The following PPP2R3C variants were observed in gnomAD, a reference collection of about 807,000 sequenced individuals.
PPP2R3C encodes the protein protein phosphatase 2 regulatory subunit B''gamma, also known as serine/threonine-protein phosphatase 2A regulatory subunit B'' subunit gamma.
PPP2R3C carries 47 observed loss-of-function variants against 63.7 expected under a neutral mutation model. That is an observed-to-expected ratio of 0.74 (90% CI 0.58 to 0.94). PPP2R3C has a LOEUF of 0.94. Ranked by LOEUF, PPP2R3C falls within the 40% of genes least tolerant of loss-of-function variation. PPP2R3C has a pLI of 0.00. For missense variants in PPP2R3C, 421 were observed against 518.4 expected (o/e 0.81, Z 1.82); for synonymous variants, 180 against 177.4 (o/e 1.01, Z -0.12).
intron 7 of PPP2R3C, among the ~76,000 whole-genome samples, chr14:35,097,065 A>T (rs887407438): frequency 1.3e-5 from 2 of 152,124 alleles, no homozygotes; most frequent in African/African-American, 4.8e-5. Context: ...AACACAAAAA[A>T]TTAGCTGGGT....
At chr14:35,111,237 A>C (rs2046551215) in intron 2 of PPP2R3C, among the ~76,000 whole-genome samples, 1 of 12,758 alleles carries the variant, frequency 7.8e-5, no homozygotes, top group South Asian at 3.3e-3. Context: ...CCATCTACCA[A>C]AAAAAAAAAA....
intron 6 of PPP2R3C, 72 bp downstream of exon 6, chr14:35,107,232 C>A: frequency 8.7e-7 from 1 of 1,144,328 alleles, no homozygotes; most frequent in East Asian, 2.4e-5. Context: ...AATCCCAACA[C>A]CCAGTGATAA....
intron 3 of PPP2R3C, 192 bp downstream of exon 3, chr14:35,110,333 A>T (rs908286106): frequency 1.9e-6 from 1 of 519,462 alleles, no homozygotes; most frequent in East Asian, 3.2e-5. Flanking sequence ...AAAAATAACA[A>T]ACAACACTAT....
intron 6 of PPP2R3C, among the ~76,000 whole-genome samples, chr14:35,105,436 C>T (rs2046317759): frequency 6.6e-6 from 1 of 152,008 alleles, no homozygotes; most frequent in Non-Finnish European, 1.5e-5. Context: ...CCACCTCGGC[C>T]TCCCAAAATG....
intron 6 of PPP2R3C, 134 bp from the exon 7 acceptor site, chr14:35,099,518 A>C: frequency 8.8e-7 from 1 of 1,133,682 alleles, no homozygotes; most frequent in South Asian, 1.9e-5. Context: ...TTAGTGGTAA[A>C]ACTATTTTAC....
rs572285741 is a variant in PPP2R3C at position 35,107,984 on chromosome 14, A to G, written c.502+155T>C. 47 of 1,177,528 alleles carry G rather than the reference A, an allele frequency of 4.0e-5. No individual in the cohort carries two copies. The East Asian group carries it at 1.4e-3, about 34-fold the overall frequency. 72.9% of individuals were successfully genotyped at this position (1,177,528 alleles called of 1,614,324 possible). A position where few individuals can be genotyped will look rare whatever the true frequency, so the allele number is the denominator to read the frequency against. On this transcript the variant is annotated intron_variant, in intron 5 of 12. Transcript: ENST00000261475. ...AAAAAATTTTTGTTTTTTTATGCTA[A>G]CCCAAGTTTATGTAACACATCTTGG...
chr14:35,105,486 GC>G (rs397853115), intron 6 of PPP2R3C, among the ~76,000 whole-genome samples: 1 of 151,192 alleles, frequency 6.6e-6, no homozygotes, highest in Non-Finnish European at 1.5e-5. Flanking sequence ...CAGCCAAAAG[GC>G]CTTTTTTTTT....
intron 1 of PPP2R3C, among the ~76,000 whole-genome samples, chr14:35,118,978 T>C (rs2046783687): frequency 6.6e-6 from 1 of 151,284 alleles, no homozygotes; most frequent in Non-Finnish European, 1.5e-5. Flanking sequence ...TTTGAGAAGT[T>C]TTCCTATGAA....
intron 6 of PPP2R3C, chr14:35,099,605 C>A (rs777748770): frequency 2.2e-6 from 1 of 454,542 alleles, no homozygotes; most frequent in Non-Finnish European, 3.6e-6. Context: ...TCAAAGGGAA[C>A]AAAGATATTG....
intron 2 of PPP2R3C, chr14:35,110,832 C>T (rs1002156519): frequency 4.7e-5 from 24 of 508,128 alleles, no homozygotes; most frequent in African/African-American, 7.9e-5. Context: ...CCTGAAAAAG[C>T]CATTCTAAAA....
At chr14:35,098,591 C>T (rs2046083504) in intron 7 of PPP2R3C, 1 of 151,846 alleles carries the variant, frequency 6.6e-6, no homozygotes, top group Admixed American at 6.6e-5. Context: ...TCAAGTGGTC[C>T]ACCCAACTCA....
rs904340799 is a variant in PPP2R3C at position 35,091,156 on chromosome 14, G to A, written c.1027C>T (p.Pro343Ser). 7.5e-6 allele frequency: 12 copies of A among 1,609,262 alleles called. No individual in the cohort carries two copies. Among genetic ancestry groups the A allele is most frequent in the Non-Finnish European group, 1.0e-5 (12 of 1,177,046 alleles). ...FVLALENRKE[P>S]AALQYIFKLL... ...TTGAAAATATATTGTAGAGCTGCAG[G>A]TTCCTTTCTGTTTTCTAATGCAAGG... is the stretch of plus-strand genomic sequence containing the variant. Residue 343 changes from proline (P) to serine (S), a missense_variant, in exon 11 of 13, where the codon CCT (proline) becomes TCT (serine). Coordinates refer to ENST00000261475, the MANE Select transcript of PPP2R3C (RefSeq NM_017917.4).
intron 3 of PPP2R3C, 117 bp from the exon 4 acceptor site, chr14:35,110,048 A>C: frequency 1.4e-6 from 1 of 693,918 alleles, no homozygotes; most frequent in East Asian, 2.8e-5. Context: ...CAATATTAAG[A>C]TGAATCTCAT....
Position 35,091,159 on chromosome 14 carries a change from C to T in PPP2R3C, c.1024G>A (p.Glu342Lys). ...DFVLALENRK[E>K]PAALQYIFKL... ...AAAATATATTGTAGAGCTGCAGGTT[C>T]CTTTCTGTTTTCTAATGCAAGGACA... Residue 342 changes from glutamate (E) to lysine (K), a missense_variant, in exon 11 of 13, where the codon GAA becomes AAA. By Grantham distance (56) the Glu-to-Lys change is moderately conservative. This residue lies in a region of PPP2R3C where 231 missense variants were observed against 264.8 expected (regional missense o/e 0.87). Coordinates refer to ENST00000261475, the MANE Select transcript of PPP2R3C (RefSeq NM_017917.4). 6.2e-7 allele frequency: 1 copy of T among 1,610,052 alleles called. No homozygotes were observed. Among genetic ancestry groups the T allele is most frequent in the Non-Finnish European group, 8.5e-7 (1 of 1,177,618 alleles).
chr14:35,091,321 C>T (rs2045809493), intron 10 of PPP2R3C, 114 bp from the exon 11 acceptor site: 1 of 1,030,790 alleles, frequency 9.7e-7, no homozygotes, highest in South Asian at 1.8e-5. Flanking sequence ...TAATTTTTTC[C>T]CTAAGTTATG....
chr14:35,095,220 C>T (rs748786308), intron 9 of PPP2R3C, 36 bp from the exon 10 acceptor site: 1 of 1,579,208 alleles, frequency 6.3e-7, no homozygotes, highest in African/African-American at 1.4e-5. Context: ...CTTATGACCA[C>T]AATAAAATTT....
chr14:35,094,783 A>C (rs1355812152), intron 10 of PPP2R3C, among the ~76,000 whole-genome samples: 1 of 152,050 alleles, frequency 6.6e-6, no homozygotes, highest in Non-Finnish European at 1.5e-5. Context: ...GTGAAACCCC[A>C]TCTCTCCTAA....
chr14:35,091,943 C>T (rs901177017), intron 10 of PPP2R3C, among the ~76,000 whole-genome samples: 2 of 152,122 alleles, frequency 1.3e-5, no homozygotes, highest in Non-Finnish European at 2.9e-5. Context: ...TGGTCTCAAA[C>T]TCCTGACCTC....
intron 6 of PPP2R3C, 81 bp downstream of exon 6, chr14:35,107,223 A>G: frequency 9.4e-7 from 1 of 1,064,808 alleles, no homozygotes. Flanking sequence ...ACAGCCTGTA[A>G]TCCCAACACC....
Sources: gnomAD v4.1 joint callset for allele counts (sites outside exome capture counted in the v4.1 genomes callset) on GRCh38, gnomAD v4.1.1 for gene constraint, gnomAD v4.1.1 regional missense constraint, MANE v1.5 for transcripts, NCBI Gene and HGNC (gene_info 2026-07-23, HGNC 2026-07-21) for gene names.